The following CAB39L variants were observed in gnomAD, a reference collection of about 807,000 sequenced individuals.
The protein encoded by CAB39L is calcium-binding protein 39-like.
CAB39L carries 23 observed loss-of-function variants against 39.1 expected under a neutral mutation model. That is an observed-to-expected ratio of 0.59 (90% confidence interval 0.42 to 0.83). The LOEUF is 0.83. Ranked by LOEUF, CAB39L falls within the 40% of genes least tolerant of loss-of-function variation. The pLI is 0.00. For missense variants in CAB39L, 366 were observed against 391.9 expected (o/e 0.93, Z 0.56); for synonymous variants, 126 against 137.2 (o/e 0.92, Z 0.57).
At chr13:49,388,198 G>C (rs957241978) in intron 3 of CAB39L, among the ~76,000 whole-genome samples, 2 of 152,132 alleles carry the variant, frequency 1.3e-5, no homozygotes, top group Non-Finnish European at 2.9e-5. Context: ...ACAAACAGGT[G>C]TTACAACAAT....
chr13:49,311,733 T>G (rs1953995370), intron 10 of CAB39L, among the ~76,000 whole-genome samples: 1 of 152,190 alleles, frequency 6.6e-6, no homozygotes, highest in South Asian at 2.1e-4. Flanking sequence ...AGAAAAAGCT[T>G]ATAGAATAAG....
intron 3 of CAB39L, among the ~76,000 whole-genome samples, chr13:49,391,514 C>T (rs980907286): frequency 2.0e-5 from 3 of 151,970 alleles, no homozygotes; most frequent in Non-Finnish European, 4.4e-5. Flanking sequence ...TTTAAAAAAT[C>T]CAACCATCTG....
At chr13:49,441,603 T>C (rs1245599490) in intron 1 of CAB39L, among the ~76,000 whole-genome samples, 1 of 152,156 alleles carries the variant, frequency 6.6e-6, no homozygotes, top group East Asian at 1.9e-4. Context: ...TGTTACACTG[T>C]ATGGACATGC....
intron 3 of CAB39L, among the ~76,000 whole-genome samples, chr13:49,400,713 A>C (rs1956751783): frequency 6.6e-6 from 1 of 152,190 alleles, no homozygotes; most frequent in Non-Finnish European, 1.5e-5. Context: ...TTATGAGAGA[A>C]TGCTGTAATT....
intron 3 of CAB39L, among the ~76,000 whole-genome samples, chr13:49,395,229 TTTTC>T (rs934592782): frequency 7.3e-5 from 11 of 151,552 alleles, no homozygotes; most frequent in African/African-American, 2.2e-4. Flanking sequence ...TTGTCATGTC[TTTTC>T]TTTCTTTTTT....
intron 3 of CAB39L, among the ~76,000 whole-genome samples, chr13:49,417,353 G>T (rs970735073): frequency 1.3e-5 from 2 of 152,142 alleles, no homozygotes; most frequent in African/African-American, 2.4e-5. Context: ...CCTACTTGCA[G>T]TCTGCCTATT....
chr13:49,442,472 C>G (rs1477549040), intron 1 of CAB39L, among the ~76,000 whole-genome samples: 1 of 152,040 alleles, frequency 6.6e-6, no homozygotes, highest in East Asian at 1.9e-4. Flanking sequence ...GTGGAAGATA[C>G]AAGCATGGAA....
rs1258532408 is a variant in CAB39L, at chr13:49,377,787, A to C, written c.112-656T>G. ...CCTGCCTTGGCCTCCCAAAGTGCCG[A>C]GATTGCAGCCTCTGCCCGGCCGCCA... On this transcript the variant is annotated intron_variant, in intron 4 of 10. Coordinates refer to ENST00000409308, the MANE Select transcript of CAB39L (RefSeq NM_001079670.3). Among the ~76,000 whole-genome samples, 47 of 93,794 alleles carry C rather than the reference A, an allele frequency of 5.0e-4. 13 individuals carry two copies. The highest frequency in any genetic ancestry group is 7.1e-4 in the Non-Finnish European group (33 of 46,518). The allele number at this position is 93,794 out of a possible 152,430, so 61.5% of individuals were successfully genotyped here. A position where few individuals can be genotyped will look rare whatever the true frequency, so the allele number is the denominator to read the frequency against.
At chr13:49,358,491 G>T (rs1015637214) in intron 6 of CAB39L, among the ~76,000 whole-genome samples, 1 of 152,114 alleles carries the variant, frequency 6.6e-6, no homozygotes, top group Admixed American at 6.6e-5. Context: ...GTAAATATAT[G>T]ATGAAAACAA....
chr13:49,325,010 A>T (rs1469504081), intron 10 of CAB39L, among the ~76,000 whole-genome samples: 2 of 152,234 alleles, frequency 1.3e-5, no homozygotes, highest in Non-Finnish European at 2.9e-5. Context: ...AGGTAACAAC[A>T]TTATAAACAT....
At chr13:49,412,958 G>C (rs1331185158) in intron 3 of CAB39L, 1 of 152,198 alleles carries the variant, frequency 6.6e-6, no homozygotes, top group Non-Finnish European at 1.5e-5. Flanking sequence ...ACAGGTACAG[G>C]TCTGCAGCCC....
At chr13:49,402,398 A>G (rs1221641636) in intron 3 of CAB39L, among the ~76,000 whole-genome samples, 1 of 152,280 alleles carries the variant, frequency 6.6e-6, no homozygotes, top group East Asian at 1.9e-4. Flanking sequence ...CAATGTATGC[A>G]GCTTGGAATA....
chr13:49,322,453 C>A (rs1482463457), intron 10 of CAB39L, among the ~76,000 whole-genome samples: 1 of 152,218 alleles, frequency 6.6e-6, no homozygotes, highest in Non-Finnish European at 1.5e-5. Context: ...CTTCCTTCAA[C>A]GTGAAATCAC....
chr13:49,359,984 C>T lies in CAB39L; in HGVS notation c.277-152G>A. 12 of 564,154 alleles carry T rather than the reference C, an allele frequency of 2.1e-5. No homozygotes were observed. The South Asian group carries it at 2.8e-4, about 13-fold the overall frequency. 34.9% of individuals were successfully genotyped at this position (564,154 alleles called of 1,614,324 possible). A position where few individuals can be genotyped will look rare whatever the true frequency, so the allele number is the denominator to read the frequency against. ...AACGTTAACTTACTCTTCCCATAGA[C>T]CCCTAACAAGCTGTGCTTGCAAACA... On this transcript the variant is annotated intron_variant, in intron 5 of 10. Coordinates refer to ENST00000409308, the MANE Select transcript of CAB39L (RefSeq NM_001079670.3).
intron 3 of CAB39L, among the ~76,000 whole-genome samples, chr13:49,386,599 T>C (rs1341418028): frequency 6.6e-6 from 1 of 152,204 alleles, no homozygotes; most frequent in East Asian, 1.9e-4. Flanking sequence ...AAGTATAATA[T>C]GATTAGTTTA....
chr13:49,382,901 T>C lies in CAB39L; in HGVS notation c.10A>G (p.Met4Val), dbSNP rs773308715. Residue 4 changes from methionine to valine, a missense_variant, in exon 4 of 11, where the codon ATG becomes GTG. Met to Val is a conservative substitution (Grantham distance 21). Coordinates refer to ENST00000409308, the MANE Select transcript of CAB39L (RefSeq NM_001079670.3). MKK[M>V]PLFSKSHKNP... ...TTGTGTGATTTACTAAACAAAGGCA[T>C]TTTTTTCATGTGTAGAAATCTCTTC... The C allele has an allele frequency of 3.8e-6, 6 of 1,591,348 alleles. No individual in the cohort carries two copies.
At chr13:49,408,398 G>A (rs1956925438) in intron 3 of CAB39L, among the ~76,000 whole-genome samples, 1 of 152,170 alleles carries the variant, frequency 6.6e-6, no homozygotes, top group Non-Finnish European at 1.5e-5. Context: ...ACAGGCAGCT[G>A]AACATACAGA....
At chr13:49,322,870 T>G (rs1954388609) in intron 10 of CAB39L, among the ~76,000 whole-genome samples, 1 of 152,152 alleles carries the variant, frequency 6.6e-6, no homozygotes, top group Non-Finnish European at 1.5e-5. Context: ...TCTCAGAAAA[T>G]TGGTTTTATT....
chr13:49,382,987 A>G (rs1956280989), intron 3 of CAB39L, 46 bp from the exon 4 acceptor site: 16 of 768,012 alleles, frequency 2.1e-5, no homozygotes. Context: ...AACTCTTAAT[A>G]TGCTTAAATT....
Sources: allele counts gnomAD v4.1 joint callset (sites outside exome capture counted in the v4.1 genomes callset), GRCh38; gene constraint gnomAD v4.1.1; transcripts MANE v1.5; gene names NCBI Gene and HGNC (gene_info 2026-07-23, HGNC 2026-07-21).